AGTPBP1: variants seen among roughly 807,000 people sequenced by gnomAD.
AGTPBP1 encodes cytosolic carboxypeptidase 1.
Under a neutral mutation model 143.9 loss-of-function variants are expected in AGTPBP1, and 70 were observed. That is an observed-to-expected ratio of 0.49 (90% CI 0.40 to 0.59). AGTPBP1 has a LOEUF of 0.59. Ranked by LOEUF, AGTPBP1 falls within the 20% of genes least tolerant of loss-of-function variation. The pLI is 0.00. For missense variants in AGTPBP1, 1,229 were observed against 1,464.5 expected (o/e 0.84, Z 2.62); for synonymous variants, 463 against 500.2 (o/e 0.93, Z 0.99).
At chr9:85,671,687 GA>G (rs112310649) in intron 7 of AGTPBP1, among the ~76,000 whole-genome samples, 3,190 of 151,498 alleles carry the variant, frequency 0.021, 127 homozygotes, top group African/African-American at 0.072. Context: ...TCAGAGAATA[GA>G]AAAAAAAATC....
chr9:85,702,054 T>G (rs750712576), intron 2 of AGTPBP1, among the ~76,000 whole-genome samples: 2 of 152,216 alleles, frequency 1.3e-5, no homozygotes, highest in Non-Finnish European at 2.9e-5. Context: ...GGTCCAAAAC[T>G]TTTCTAGAAT....
intron 17 of AGTPBP1, among the ~76,000 whole-genome samples, chr9:85,612,840 C>T (rs1830397727): frequency 6.6e-6 from 1 of 150,916 alleles, no homozygotes; most frequent in Admixed American, 6.6e-5. Flanking sequence ...CATTTGGGCA[C>T]AGAAGTGTGG....
intron 25 of AGTPBP1, among the ~76,000 whole-genome samples, chr9:85,548,912 T>C (rs925498067): frequency 6.6e-6 from 1 of 152,144 alleles, no homozygotes; most frequent in Non-Finnish European, 1.5e-5. Flanking sequence ...TGACCTCAAG[T>C]GATCCGCCTG....
the AGTPBP1 span, chr9:85,753,439 C>T: frequency 4.3e-6 from 7 of 1,613,046 alleles, no homozygotes; most frequent in East Asian, 6.7e-5. Flanking sequence ...TTCTATTTAG[C>T]GTTTCCTGGT....
intron 17 of AGTPBP1, among the ~76,000 whole-genome samples, chr9:85,610,934 T>A (rs886584456): frequency 6.6e-6 from 1 of 152,188 alleles, no homozygotes; most frequent in Non-Finnish European, 1.5e-5. Flanking sequence ...AAAGATAAGT[T>A]TAATAAAATA....
intron 17 of AGTPBP1, among the ~76,000 whole-genome samples, chr9:85,599,808 TG>T (rs1829548856): frequency 6.6e-6 from 1 of 152,256 alleles, no homozygotes; most frequent in Admixed American, 6.5e-5. Flanking sequence ...GACATTTGGA[TG>T]TCCACTGGCT....
the AGTPBP1 span, chr9:85,770,636 G>T: frequency 1.8e-6 from 1 of 559,024 alleles, no homozygotes; most frequent in Non-Finnish European, 3.1e-6. Context: ...TCTCTTTATA[G>T]AACTAAATGT....
chr9:85,652,502 C>T (rs1833230561), intron 11 of AGTPBP1, among the ~76,000 whole-genome samples: 1 of 152,016 alleles, frequency 6.6e-6, no homozygotes, highest in African/African-American at 2.4e-5. Flanking sequence ...CAGAGTGAGA[C>T]TTCATCTCAA....
At chr9:85,749,123 T>G in the AGTPBP1 span, among the ~76,000 whole-genome samples, 1 of 150,788 alleles carries the variant, frequency 6.6e-6, no homozygotes, top group South Asian at 2.1e-4. Flanking sequence ...GCCTCCCAAG[T>G]AGCTAGGACT....
intron 13 of AGTPBP1, among the ~76,000 whole-genome samples, chr9:85,635,787 A>G (rs1299902701): frequency 6.6e-6 from 1 of 151,934 alleles, no homozygotes; most frequent in Non-Finnish European, 1.5e-5. Flanking sequence ...CTCCAGTACT[A>G]CATCTTCAGT....
At chr9:85,796,254 G>A in the AGTPBP1 span, among the ~76,000 whole-genome samples, 4 of 152,220 alleles carry the variant, frequency 2.6e-5, no homozygotes, top group African/African-American at 9.7e-5. Flanking sequence ...GTTTTGGAGA[G>A]AGTGATAGCA....
At chr9:85,596,740 T>C (rs1474456613) in intron 17 of AGTPBP1, among the ~76,000 whole-genome samples, 1 of 152,150 alleles carries the variant, frequency 6.6e-6, no homozygotes, top group East Asian at 1.9e-4. Flanking sequence ...ATATATTCCT[T>C]ATAAAAAGTG....
chr9:85,638,894 T>C (rs1367021899), intron 13 of AGTPBP1, among the ~76,000 whole-genome samples: 1 of 152,024 alleles, frequency 6.6e-6, no homozygotes, highest in Non-Finnish European at 1.5e-5. Flanking sequence ...TTCACAGTGA[T>C]TAATAGAATA....
chr9:85,782,326 C>T, the AGTPBP1 span, among the ~76,000 whole-genome samples: 4 of 152,150 alleles, frequency 2.6e-5, no homozygotes, highest in East Asian at 1.9e-4. Context: ...ACCAACCTGA[C>T]CAACATGGTG....
the AGTPBP1 span, among the ~76,000 whole-genome samples, chr9:85,769,259 C>T: frequency 1.3e-5 from 2 of 152,050 alleles, no homozygotes; most frequent in South Asian, 2.1e-4. Context: ...AGATAGTCTG[C>T]CACAGGAACT....
intron 25 of AGTPBP1, among the ~76,000 whole-genome samples, chr9:85,560,860 C>T (rs551732543): frequency 9.5e-4 from 144 of 152,106 alleles, no homozygotes; most frequent in African/African-American, 3.4e-3. Context: ...AGATCATACG[C>T]AAACATAAAT....
Position 85,607,597 on chromosome 9 carries a change from A to G in AGTPBP1, c.2336-11148T>C, listed in dbSNP as rs529961323. Among the ~76,000 whole-genome samples the G allele has an allele frequency of 8.5e-5, 13 of 152,254 alleles. 1 individual carries two copies. The highest frequency in any genetic ancestry group is 3.4e-3 in the Middle Eastern group (1 of 294). On this transcript the variant is annotated intron_variant, in intron 17 of 25. Coordinates refer to ENST00000357081, the MANE Select transcript of AGTPBP1 (RefSeq NM_001330701.2). ...TTAAAACTGTAAATTTTTTGCCTCA[A>G]ATATAGATAATCAAAATATTAAATT...
chr9:85,759,990 C>G, the AGTPBP1 span, among the ~76,000 whole-genome samples: 2 of 151,962 alleles, frequency 1.3e-5, no homozygotes, highest in Admixed American at 6.6e-5. Context: ...ACTATAAACA[C>G]CTCTACGCAA....
At chr9:85,650,243 TCA>T (rs1388153625) in intron 11 of AGTPBP1, among the ~76,000 whole-genome samples, 1 of 152,132 alleles carries the variant, frequency 6.6e-6, no homozygotes, top group African/African-American at 2.4e-5. Context: ...TCCATTCCAA[TCA>T]CACAGTGACC....
Sources: gnomAD v4.1 joint callset for allele counts (sites outside exome capture counted in the v4.1 genomes callset) on GRCh38, gnomAD v4.1.1 for gene constraint, MANE v1.5 for transcripts, NCBI Gene and HGNC (gene_info 2026-07-23, HGNC 2026-07-21) for gene names.